Variants in AS3MT observed in about 807,000 individuals in gnomAD.
AS3MT encodes the protein S-adenosyl-L-methionine:arsenic(III) methyltransferase.
AS3MT carries 47 observed loss-of-function variants against 45.3 expected under a neutral mutation model. The ratio of observed to expected loss-of-function variants is 1.04; its 90% confidence interval spans 0.82 to 1.32. The LOEUF is 1.32. AS3MT is among the 40% of genes most tolerant of loss of function. AS3MT has a pLI of 0.00. For synonymous variants in AS3MT, 141 were observed against 152.8 expected (o/e 0.92, Z 0.57); for missense variants, 396 against 451.1 (o/e 0.88, Z 1.11).
At chr10:102,894,846 G>C (rs535825709) in intron 10 of AS3MT, among the ~76,000 whole-genome samples, 1 of 152,238 alleles carries the variant, frequency 6.6e-6, no homozygotes, top group African/African-American at 2.4e-5. Flanking sequence ...CTTTGAATCT[G>C]CCTGTGACCT....
intron 9 of AS3MT, among the ~76,000 whole-genome samples, chr10:102,889,186 G>A (rs1280136229): frequency 4.0e-5 from 6 of 151,748 alleles, no homozygotes; most frequent in South Asian, 2.1e-4. Context: ...CACCGTGCCC[G>A]GCCAAACCCT....
chr10:102,873,960 A>G (rs1226313955), intron 5 of AS3MT, among the ~76,000 whole-genome samples: 1 of 152,230 alleles, frequency 6.6e-6, no homozygotes, highest in Non-Finnish European at 1.5e-5. Flanking sequence ...AAGCATAAGA[A>G]ATGCCTTGTG....
intron 10 of AS3MT, among the ~76,000 whole-genome samples, chr10:102,896,538 G>A (rs1281124261): frequency 6.6e-6 from 1 of 152,018 alleles, no homozygotes; most frequent in East Asian, 1.9e-4. Context: ...GCCGGGCACG[G>A]TGGCTTACGC....
At chr10:102,876,325 C>G (rs1844784012) in intron 6 of AS3MT, among the ~76,000 whole-genome samples, 1 of 37,798 alleles carries the variant, frequency 2.6e-5, no homozygotes, top group Non-Finnish European at 5.1e-5. Context: ...CTGTACCCCT[C>G]TAACTCCTGA....
Position 102,869,844 on chromosome 10 carries a change from A to G in AS3MT, c.41A>G (p.Gln14Arg). The G allele has an allele frequency of 3.1e-6, 5 of 1,613,982 alleles. No homozygotes were observed. Among genetic ancestry groups the G allele is most frequent in the Non-Finnish European group, 3.4e-6 (4 of 1,180,034 alleles). Residue 14 changes from glutamine (Q) to arginine (R), a missense_variant and splice_region_variant, in exon 2 of 11, where the codon CAG (glutamine) becomes CGG (arginine). Gln to Arg is a conservative substitution (Grantham distance 43). Coordinates refer to ENST00000369880, the MANE Select transcript of AS3MT (RefSeq NM_020682.4). ...LRDAEIQKDV[Q>R]TYYGQVLKRS... ...GACGCTGAGATACAGAAGGACGTGC[A>G]GGTGAGAGCTGTAGGGCCTGGAATG...
chr10:102,886,564 C>T (rs757308879), intron 9 of AS3MT, among the ~76,000 whole-genome samples: 1 of 151,782 alleles, frequency 6.6e-6, no homozygotes, highest in Non-Finnish European at 1.5e-5. Flanking sequence ...TGACTCTGCC[C>T]GCCTCAGCCT....
At position 102,870,112 on chromosome 10, in the gene AS3MT, C is replaced by T; in HGVS notation, c.71C>T (p.Ser24Leu). 6.2e-7 allele frequency: 1 copy of T among 1,614,112 alleles called. No individual in the cohort carries two copies. The highest frequency in any genetic ancestry group is 8.5e-7 in the Non-Finnish European group (1 of 1,180,040). The change falls in exon 3 of 11, where the codon TCG becomes TTG. Residue 24 changes from serine (S) to leucine (L), a missense_variant. Ser to Leu is a moderately radical substitution (Grantham distance 145). Coordinates refer to ENST00000369880, the MANE Select transcript of AS3MT (RefSeq NM_020682.4). ...QTYYGQVLKRSADLQTNGCVT... is the reference protein window; with the variant it reads ...QTYYGQVLKRLADLQTNGCVT... ...TACTACGGGCAGGTGCTGAAGAGATCGGCAGACCTCCAGACCAACGGCTGT... is the reference window on the plus strand; with the variant it reads ...TACTACGGGCAGGTGCTGAAGAGATTGGCAGACCTCCAGACCAACGGCTGT...
chr10:102,876,844 C>T, intron 6 of AS3MT, 110 bp from the exon 7 acceptor site: 1 of 1,070,782 alleles, frequency 9.3e-7, no homozygotes, highest in Middle Eastern at 2.1e-4. Flanking sequence ...TCAGCTTAAA[C>T]ATTGCTATTG....
intron 10 of AS3MT, among the ~76,000 whole-genome samples, chr10:102,900,244 G>A (rs969426145): frequency 2.0e-5 from 3 of 152,212 alleles, no homozygotes; most frequent in South Asian, 2.1e-4. Flanking sequence ...AATAAGGGAA[G>A]AGAAGTCGTT....
rs1845254321 is a variant in AS3MT at position 102,900,582 on chromosome 10, C to A, written c.1021-11C>A. On this transcript the variant is annotated splice_polypyrimidine_tract_variant and intron_variant, in intron 10 of 10. Transcript: ENST00000369880. ...TAACTTGTCCTTTCATTTTGGTTTG[C>A]CTTTTGACAGGATATAATCACAGAT... 13 of 1,602,186 alleles carry A rather than the reference C, an allele frequency of 8.1e-6. No individual in the cohort carries two copies. In the East Asian group the frequency reaches 2.9e-4, roughly 36 times the overall value.
chr10:102,876,626 C>T (rs1311397645), intron 6 of AS3MT, among the ~76,000 whole-genome samples: 2 of 152,098 alleles, frequency 1.3e-5, no homozygotes, highest in African/African-American at 2.4e-5. Flanking sequence ...CTGATGATAT[C>T]CTCTGTTCTA....
chr10:102,870,835 C>A (rs185875022), intron 3 of AS3MT, among the ~76,000 whole-genome samples: 8 of 152,232 alleles, frequency 5.3e-5, no homozygotes, highest in Non-Finnish European at 1.0e-4. Flanking sequence ...CTGCATGGAG[C>A]CTTCTCTAAT....
At chr10:102,877,123 T>A in intron 7 of AS3MT, 88 bp downstream of exon 7, 2 of 1,253,328 alleles carry the variant, frequency 1.6e-6, no homozygotes, top group Non-Finnish European at 2.3e-6. Flanking sequence ...TGAGGCTATA[T>A]GAGATCACAT....
intron 9 of AS3MT, among the ~76,000 whole-genome samples, chr10:102,884,735 C>G (rs1036893169): frequency 6.6e-6 from 1 of 151,104 alleles, no homozygotes; most frequent in African/African-American, 2.4e-5. Context: ...TTAGTAGAGA[C>G]GGGGTTTCAC....
rs1479144594 is a variant in AS3MT, at chr10:102,878,697, T to G, written c.743-152T>G. 6.3e-6 allele frequency: 8 copies of G among 1,278,194 alleles called. No individual in the cohort carries two copies. The Admixed American group carries it at 1.5e-4, about 25-fold the overall frequency. The allele number at this position is 1,278,194 out of a possible 1,614,324, so 79.2% of individuals were successfully genotyped here. A position where few individuals can be genotyped will look rare whatever the true frequency, so the allele number is the denominator to read the frequency against. Reference sequence around the variant, plus strand: ...TGATATTTAATAAAGCACTTTGAAGTCATTCAGTAAATAGAGTGAAGTGCT... The same window carrying G: ...TGATATTTAATAAAGCACTTTGAAGGCATTCAGTAAATAGAGTGAAGTGCT... On this transcript the variant is annotated intron_variant, in intron 8 of 10. Transcript: ENST00000369880.
chr10:102,869,761 C>T (rs751487371), intron 1 of AS3MT, 44 bp from the exon 2 acceptor site: 10 of 1,613,800 alleles, frequency 6.2e-6, no homozygotes, highest in Non-Finnish European at 8.5e-6. Flanking sequence ...CATGCCCGTC[C>T]CTCAGCACCC....
Position 102,872,507 on chromosome 10 carries a change from T to G in AS3MT, c.230T>G (p.Leu77Arg). The G allele has an allele frequency of 3.1e-6, 5 of 1,614,112 alleles. No individual in the cohort carries two copies. The highest frequency in any genetic ancestry group is 4.2e-6 in the Non-Finnish European group (5 of 1,179,988). Residue 77 changes from leucine to arginine, a missense_variant, in exon 4 of 11, where the codon CTG (leucine) becomes CGG (arginine). By Grantham distance (102) the Leu-to-Arg change is moderately radical (BLOSUM62 -2). Coordinates refer to ENST00000369880, the MANE Select transcript of AS3MT (RefSeq NM_020682.4). ...EHLENCWILDLGSGSGRDCYV... is the reference protein window; with the variant it reads ...EHLENCWILDRGSGSGRDCYV... ...CTAGAAAACTGCTGGATTTTGGATC[T>G]GGGTAGTGGAAGTGGCAGAGATTGC...
intron 9 of AS3MT, among the ~76,000 whole-genome samples, chr10:102,890,147 C>A (rs919726544): frequency 2.7e-5 from 4 of 150,568 alleles, no homozygotes; most frequent in Admixed American, 2.7e-4. Context: ...ACAACAGGCG[C>A]CTGCCACTAT....
intron 9 of AS3MT, among the ~76,000 whole-genome samples, chr10:102,889,092 A>T (rs367825001): frequency 9.3e-5 from 14 of 151,326 alleles, no homozygotes; most frequent in African/African-American, 3.2e-4. Flanking sequence ...GGGTTTTACC[A>T]TGTTAGCCAG....
Sources: allele counts gnomAD v4.1 joint callset (sites outside exome capture counted in the v4.1 genomes callset), GRCh38; gene constraint gnomAD v4.1.1; transcripts MANE v1.5; gene names NCBI Gene and HGNC (gene_info 2026-07-23, HGNC 2026-07-21).